The following TNRC6A variants were observed in gnomAD, a reference collection of about 807,000 sequenced individuals.
TNRC6A encodes trinucleotide repeat containing adaptor 6A, also known as trinucleotide repeat-containing gene 6A protein.
A neutral mutation model predicts 221.2 loss-of-function variants in TNRC6A; 44 were observed. The observed-to-expected ratio is 0.20, with a 90% CI of 0.16 to 0.26. The LOEUF (loss-of-function observed/expected upper bound fraction) is 0.26. Ranked by LOEUF, TNRC6A falls within the 10% of genes least tolerant of loss-of-function variation. The pLI is 1.00. For missense variants in TNRC6A, 2,199 were observed against 2,404.4 expected (o/e 0.91, Z 1.79); for synonymous variants, 847 against 838.5 (o/e 1.01, Z -0.18).
rs563527526 is a variant in TNRC6A, at chr16:24,684,659, G to A, written n.402+43650G>A. 8.6e-5 allele frequency among the ~76,000 whole-genome samples: 13 copies of A among 151,536 alleles called. No homozygotes were observed. In the South Asian group the frequency reaches 1.9e-3, roughly 22 times the overall value. On this transcript the variant is annotated intron_variant and non_coding_transcript_variant, in intron 2 of 2. Coordinates refer to the TNRC6A transcript ENST00000566108. The stretch of plus-strand genomic sequence containing the variant: ...CATCTCTACAAAAAATTTAAAAATC[G>A]GCTGAGTGAAGTGACAGTTGTCTTT...
At chr16:24,766,321 G>C (rs1187517364) in intron 4 of TNRC6A, among the ~76,000 whole-genome samples, 1 of 152,162 alleles carries the variant, frequency 6.6e-6, no homozygotes, top group African/African-American at 2.4e-5. Flanking sequence ...AGAGAATAAA[G>C]AGATAACAGA....
chr16:24,682,303 C>A (rs376544527), intron 2 of TNRC6A, among the ~76,000 whole-genome samples: 2 of 151,426 alleles, frequency 1.3e-5, no homozygotes, highest in Admixed American at 1.3e-4. Flanking sequence ...CTCAGCTCAC[C>A]GCAGCCTCAA....
At chr16:24,804,153 A>G (rs1365295222) in intron 11 of TNRC6A, 24 bp from the exon 12 acceptor site, 3 of 1,567,234 alleles carry the variant, frequency 1.9e-6, no homozygotes, top group Admixed American at 2.1e-5. Context: ...TTCCTGTTTG[A>G]TAACAGTCTC....
intron 2 of TNRC6A, among the ~76,000 whole-genome samples, chr16:24,681,071 A>T (rs2055524467): frequency 6.6e-6 from 1 of 152,028 alleles, no homozygotes; most frequent in Non-Finnish European, 1.5e-5. Context: ...AAACCAAAAT[A>T]ACTCAGAACC....
intron 2 of TNRC6A, among the ~76,000 whole-genome samples, chr16:24,660,739 C>CTTTTTTTTTTTTTTTT (rs58299677): frequency 2.0e-4 from 18 of 91,288 alleles, no homozygotes; most frequent in Admixed American, 2.9e-4. Flanking sequence ...TTTTTTTTTT[C>CTTTTTTTTTTTTTTTT]TTTTTTTTTT....
chr16:24,762,541 GA>G lies in TNRC6A; in HGVS notation c.163+4184del, dbSNP rs1381423023. Among the ~76,000 whole-genome samples the G allele has an allele frequency of 3.3e-5, 5 of 152,268 alleles. No individual in the cohort carries two copies. The East Asian group carries it at 9.6e-4, about 29-fold the overall frequency. ...GAGTTACTTTAGTTACTGAATTTTG[GA>G]AATCTTTGGGATCCAGAGCAGGGGC... On this transcript the variant is annotated intron_variant, in intron 4 of 24. Transcript: ENST00000395799.
At chr16:24,762,167 T>C (rs2057377854) in intron 4 of TNRC6A, among the ~76,000 whole-genome samples, 1 of 152,236 alleles carries the variant, frequency 6.6e-6, no homozygotes, top group South Asian at 2.1e-4. Context: ...TTACTGCCGC[T>C]CTGTTTCTGG....
At chr16:24,615,252 AAG>A (rs1900283869) in intron 1 of TNRC6A, among the ~76,000 whole-genome samples, 1 of 152,164 alleles carries the variant, frequency 6.6e-6, no homozygotes, top group East Asian at 1.9e-4. Context: ...CTAAGATGGA[AAG>A]AAAGACTAGG....
At chr16:24,793,395 G>C in intron 6 of TNRC6A, 78 bp from the exon 7 acceptor site, 1 of 1,169,226 alleles carries the variant, frequency 8.6e-7, no homozygotes, top group Non-Finnish European at 1.1e-6. Context: ...TGGTCCCTAA[G>C]TTTTCTTTAT....
At chr16:24,738,540 A>G (rs563561424) in intron 2 of TNRC6A, among the ~76,000 whole-genome samples, 3 of 152,334 alleles carry the variant, frequency 2.0e-5, no homozygotes, top group African/African-American at 7.2e-5. Context: ...GTGGAATCAT[A>G]CTATATGATA....
At chr16:24,669,374 A>C (rs150067523) in intron 2 of TNRC6A, among the ~76,000 whole-genome samples, 4,251 of 152,120 alleles carry the variant, frequency 0.028, 195 homozygotes, top group African/African-American at 0.096. Flanking sequence ...CTGTAGTCCC[A>C]GCTACTCAGG....
chr16:24,754,945 A>C (rs1466860084), intron 3 of TNRC6A, among the ~76,000 whole-genome samples: 2 of 152,128 alleles, frequency 1.3e-5, no homozygotes, highest in African/African-American at 2.4e-5. Context: ...GGTTTTAGAG[A>C]GCTTCCAGCT....
chr16:24,657,572 G>A (rs1056376084), intron 2 of TNRC6A, among the ~76,000 whole-genome samples: 5 of 152,006 alleles, frequency 3.3e-5, no homozygotes, highest in Non-Finnish European at 4.4e-5. Context: ...AACCAGCCAT[G>A]ATGGCACGCA....
At position 24,620,858 on chromosome 16, in the gene TNRC6A, G is replaced by T. The variant is rs1028469700; in HGVS notation, n.276+10374G>T. Among the ~76,000 whole-genome samples, 171 of 151,828 alleles carry T rather than the reference G, an allele frequency of 1.1e-3. 2 individuals carry two copies. Among genetic ancestry groups the T allele is most frequent in the African/African-American group, 4.0e-3 (167 of 41,416 alleles). Reference sequence around the variant, plus strand: ...CCCAGCACTTTGGGAGGCCGAGGCGGGTGGATCACGATGTCAAGAGATCGA... The same window carrying T: ...CCCAGCACTTTGGGAGGCCGAGGCGTGTGGATCACGATGTCAAGAGATCGA... On this transcript the variant is annotated intron_variant and non_coding_transcript_variant, in intron 1 of 2. Transcript: ENST00000566108.
intron 1 of TNRC6A, among the ~76,000 whole-genome samples, chr16:24,616,903 A>C (rs1900383920): frequency 6.9e-6 from 1 of 145,534 alleles, no homozygotes. Flanking sequence ...CCTGGGCCAC[A>C]GAGTGAGACT....
chr16:24,675,394 C>G (rs1336513471), intron 2 of TNRC6A, among the ~76,000 whole-genome samples: 1 of 151,896 alleles, frequency 6.6e-6, no homozygotes, highest in Non-Finnish European at 1.5e-5. Context: ...AAAAGAGGCT[C>G]TCCAAGCCAG....
intron 11 of TNRC6A, among the ~76,000 whole-genome samples, chr16:24,800,062 T>C (rs1328356216): frequency 6.6e-6 from 1 of 152,198 alleles, no homozygotes; most frequent in Non-Finnish European, 1.5e-5. Context: ...GAGTGCAAAA[T>C]GTCCCTGTAG....
At chr16:24,763,201 A>T (rs562994051) in intron 4 of TNRC6A, among the ~76,000 whole-genome samples, 3 of 152,248 alleles carry the variant, frequency 2.0e-5, no homozygotes, top group African/African-American at 7.2e-5. Flanking sequence ...TGTGGAGCAA[A>T]ACCAGAGTAC....
intron 3 of TNRC6A, among the ~76,000 whole-genome samples, chr16:24,754,037 G>A (rs2057193894): frequency 1.3e-5 from 2 of 152,150 alleles, no homozygotes; most frequent in South Asian, 4.1e-4. Context: ...TCATTTAAAG[G>A]TGAACTTTAA....
Sources: gnomAD v4.1 joint callset for allele counts (sites outside exome capture counted in the v4.1 genomes callset) on GRCh38, gnomAD v4.1.1 for gene constraint, MANE v1.5 for transcripts, NCBI Gene and HGNC (gene_info 2026-07-23, HGNC 2026-07-21) for gene names.